MED16: variants seen among roughly 807,000 people sequenced by gnomAD.
MED16 encodes mediator complex subunit 16.
Under a neutral mutation model 84.4 loss-of-function variants are expected in MED16, and 81 were observed. The ratio of observed to expected loss-of-function variants is 0.96; its 90% CI spans 0.80 to 1.15. The LOEUF is 1.15. Ranked by LOEUF, MED16 falls within the 50% of genes most tolerant of loss-of-function variation. The pLI, the probability that MED16 is intolerant of heterozygous loss-of-function variation, is 0.00. For synonymous variants in MED16, 897 were observed against 552.2 expected, an observed-to-expected ratio of 1.62 and a Z score of -8.76; for missense variants, 1,585 against 1,245.9, an observed-to-expected ratio of 1.27 and a Z score of -4.10.
In MED16 at chr19:879,988, C is replaced by G. The variant is rs968099254; in HGVS notation, c.1302G>C (p.Met434Ile). ...TAGPAVHLKA[M>I]QLSWTSLALV... Reference sequence around the variant, plus strand: ...GGGCCAGTGACGTCCACGATAGCTGCATAGCCTTTAAGTGGACGGCGGGGC... The same window carrying G: ...GGGCCAGTGACGTCCACGATAGCTGGATAGCCTTTAAGTGGACGGCGGGGC... The change falls in exon 8 of 16, where the codon ATG (methionine) becomes ATC (isoleucine). Residue 434 changes from methionine (M) to isoleucine (I), a missense_variant. Coordinates refer to ENST00000325464, the MANE Select transcript of MED16 (RefSeq NM_005481.3). The G allele has an allele frequency of 6.2e-7, 1 of 1,609,670 alleles. No individual in the cohort carries two copies. Among genetic ancestry groups the G allele is most frequent in the African/African-American group, 1.3e-5 (1 of 74,862 alleles).
In MED16 at chr19:886,199, C is replaced by T. The variant is rs916551295; in HGVS notation, c.450G>A (p.Ser150=). 27 of 1,506,214 alleles carry T rather than the reference C, an allele frequency of 1.8e-5. No individual in the cohort carries two copies. The highest frequency in any genetic ancestry group is 4.6e-5 in the East Asian group (2 of 43,098). 93.3% of individuals were successfully genotyped at this position (1,506,214 alleles called of 1,614,324 possible). Residue 150 remains serine (S), a splice_region_variant and synonymous_variant, in exon 5 of 16, where the codon TCG becomes TCA. Transcript: ENST00000325464. The part of the protein sequence containing the change: ...GVKLALHVEK[S]GASSFGEKFS... The stretch of plus-strand genomic sequence containing the variant: ...ACTTCTCCCCGAAGCTGGAGGCGCC[C>T]GACTGTGGAGAAGGGAGGGAGGGAG...
Position 890,460 on chromosome 19 carries a change from T to C in MED16, c.170-216A>G, listed in dbSNP as rs546552842. 3.5e-5 allele frequency: 16 copies of C among 452,642 alleles called. No homozygotes were observed. The Admixed American group carries it at 6.2e-4, about 18-fold the overall frequency. The allele number at this position is 452,642 out of a possible 1,614,324, so 28.0% of individuals were successfully genotyped here. A position where few individuals can be genotyped will look rare whatever the true frequency, so the allele number is the denominator to read the frequency against. ...CACAACTGTGTCTTTAAAACCAGAT[T>C]AGAAGAAAATGACTCCGAAATGTGA... On this transcript the variant is annotated intron_variant, in intron 2 of 15. Coordinates refer to ENST00000325464, the MANE Select transcript of MED16 (RefSeq NM_005481.3).
rs2036594127 is a variant in MED16, at chr19:889,675, A to G, written c.410T>C (p.Leu137Pro). The G allele has an allele frequency of 6.2e-7, 1 of 1,613,852 alleles. No homozygotes were observed. The highest frequency in any genetic ancestry group is 8.5e-7 in the Non-Finnish European group (1 of 1,179,912). The change falls in exon 4 of 16, where the codon CTG becomes CCG. Residue 137 changes from leucine to proline, a missense_variant. By Grantham distance (98) the Leu-to-Pro change is moderately conservative. Transcript: ENST00000325464. ...CAGGGCCAGTTTCACACCATTGTGC[A>G]GCCAGGACAGGGCCACAATGGGGTC... ...EGDPIVALSW[L>P]HNGVKLALHV... is the part of the protein sequence containing the mutation.
intron 4 of MED16, among the ~76,000 whole-genome samples, chr19:888,409 A>G (rs1344938644): frequency 1.3e-5 from 2 of 151,502 alleles, no homozygotes; most frequent in Admixed American, 1.3e-4. Context: ...CTGTAATCCC[A>G]GCTACTCAGG....
At chr19:870,303 G>A (rs1176047664) in intron 13 of MED16, among the ~76,000 whole-genome samples, 1 of 152,196 alleles carries the variant, frequency 6.6e-6, no homozygotes, top group Non-Finnish European at 1.5e-5. Flanking sequence ...GCTCACACCT[G>A]TAATCCCAGC....
At chr19:889,850 C>A in intron 3 of MED16, 43 bp from the exon 4 acceptor site, 1 of 1,569,926 alleles carries the variant, frequency 6.4e-7, no homozygotes, top group Non-Finnish European at 8.6e-7. Flanking sequence ...CAGGGATGGG[C>A]AGAGCACTGC....
chr19:880,101 G>A lies in MED16; in HGVS notation c.1189C>T (p.Leu397Phe). ...AAGACGGCCATGGTCTGCAGTGAGA[G>A]CCGGTGCACGATGTGGACGCTGCCG... ...HDGSVHIVHR[L>F]SLQTMAVFYS... The change falls in exon 8 of 16, where the codon CTC becomes TTC. Residue 397 changes from leucine (L) to phenylalanine (F), a missense_variant. By Grantham distance (22) the Leu-to-Phe change is conservative. Transcript: ENST00000325464. 1 of 1,610,680 alleles carries A rather than the reference G, an allele frequency of 6.2e-7. No individual in the cohort carries two copies. The highest frequency in any genetic ancestry group is 8.5e-7 in the Non-Finnish European group (1 of 1,179,426).
Position 875,754 on chromosome 19 carries a change from C to T in MED16, c.1561-300G>A, listed in dbSNP as rs565935056. Among the ~76,000 whole-genome samples the T allele has an allele frequency of 1.7e-4, 26 of 152,224 alleles. No homozygotes were observed. In the East Asian group the frequency reaches 5.0e-3, roughly 29 times the overall value. On this transcript the variant is annotated intron_variant, in intron 9 of 15. Coordinates refer to ENST00000325464, the MANE Select transcript of MED16 (RefSeq NM_005481.3). ...GCCCCTGCCAAGTAACGGGTGGAGG[C>T]TGGGGAGGCTGCTCAACAGGACACC...
At chr19:888,877 G>A (rs1002635412) in intron 4 of MED16, among the ~76,000 whole-genome samples, 2 of 152,156 alleles carry the variant, frequency 1.3e-5, no homozygotes, top group East Asian at 1.9e-4. Context: ...TAGTTCCTGC[G>A]AGAGCCCCAG....
intron 13 of MED16, among the ~76,000 whole-genome samples, chr19:869,192 T>TA (rs1222634241): frequency 6.6e-6 from 1 of 151,402 alleles, no homozygotes; most frequent in Non-Finnish European, 1.5e-5. Context: ...GCTTGAGGCT[T>TA]AGAGACCCAG....
intron 11 of MED16, chr19:873,190 C>A (rs1249500699): frequency 2.0e-6 from 1 of 505,550 alleles, no homozygotes; most frequent in East Asian, 3.9e-5. Context: ...TGGGGCAGGG[C>A]TAGGAAGTGG....
At chr19:877,996 C>A (rs1359265596) in intron 8 of MED16, among the ~76,000 whole-genome samples, 1 of 88,636 alleles carries the variant, frequency 1.1e-5, no homozygotes, top group African/African-American at 4.8e-5. Context: ...CAGCAGCTCA[C>A]CTTTCCGTGG....
At chr19:879,284 C>G (rs1439052186) in intron 8 of MED16, among the ~76,000 whole-genome samples, 1 of 150,184 alleles carries the variant, frequency 6.7e-6, no homozygotes, top group East Asian at 2.1e-4. Flanking sequence ...TGCCCAGCAG[C>G]TCACCTTCCC....
chr19:877,493 C>A (rs73492573), intron 8 of MED16, among the ~76,000 whole-genome samples: 3 of 150,480 alleles, frequency 2.0e-5, no homozygotes, highest in Non-Finnish European at 4.4e-5. Context: ...CTCCTAGTTA[C>A]GAAGCTCCTA....
At chr19:873,268 G>T (rs2036139439) in intron 11 of MED16, among the ~76,000 whole-genome samples, 181 bp downstream of exon 11, 1 of 136,044 alleles carries the variant, frequency 7.4e-6, no homozygotes, top group Admixed American at 7.8e-5. Flanking sequence ...CCAGGGGCGG[G>T]GCTGAGGTGG....
At chr19:889,960 C>G (rs2036600631) in intron 3 of MED16, among the ~76,000 whole-genome samples, 153 bp from the exon 4 acceptor site, 1 of 152,158 alleles carries the variant, frequency 6.6e-6, no homozygotes. Flanking sequence ...CCAGAGATGC[C>G]CTGAGACACC....
intron 4 of MED16, among the ~76,000 whole-genome samples, chr19:886,978 C>T (rs558757793): frequency 4.0e-5 from 6 of 151,736 alleles, no homozygotes; most frequent in African/African-American, 1.5e-4. Flanking sequence ...ACTCAGGAGG[C>T]TGAGGCAGGA....
rs1367380279 is a variant in MED16, at chr19:872,966, G to C, written c.1905+483C>G. 2.2e-4 allele frequency: 180 copies of C among 805,618 alleles called. 4 individuals carry two copies. The South Asian group carries it at 2.7e-3, about 12-fold the overall frequency. The allele number at this position is 805,618 out of a possible 1,614,324, so 49.9% of individuals were successfully genotyped here. ...CGAGGTGGGGGAGGGCTCCGAGGTG[G>C]GGCAGGGCTCCGAGGTGGGGGAGGG... On this transcript the variant is annotated intron_variant, in intron 11 of 15. Transcript: ENST00000325464.
At position 880,085 on chromosome 19, in the gene MED16, A is replaced by G; in HGVS notation, c.1205T>C (p.Met402Thr). Residue 402 changes from methionine to threonine, a missense_variant, in exon 8 of 16, where the codon ATG (methionine) becomes ACG (threonine). Coordinates refer to ENST00000325464, the MANE Select transcript of MED16 (RefSeq NM_005481.3). Reference protein sequence around the residue: ...HIVHRLSLQTMAVFYSSAAPR... With the variant: ...HIVHRLSLQTTAVFYSSAAPR... The stretch of plus-strand genomic sequence containing the variant: ...GGCCGCGGAGCTGTAGAAGACGGCC[A>G]TGGTCTGCAGTGAGAGCCGGTGCAC... 6.2e-7 allele frequency: 1 copy of G among 1,610,926 alleles called. No individual in the cohort carries two copies. The highest frequency in any genetic ancestry group is 8.5e-7 in the Non-Finnish European group (1 of 1,179,428).
Sources: gnomAD v4.1 joint callset for allele counts (sites outside exome capture counted in the v4.1 genomes callset) on GRCh38, gnomAD v4.1.1 for gene constraint, MANE v1.5 for transcripts, NCBI Gene and HGNC (gene_info 2026-07-23, HGNC 2026-07-21) for gene names.